The following TYMS variants were observed in gnomAD, a reference collection of about 807,000 sequenced individuals.
The protein encoded by TYMS is thymidylate synthetase.
TYMS carries 21 observed loss-of-function variants against 39.3 expected under a neutral mutation model. That is an observed-to-expected ratio of 0.54 (90% CI 0.38 to 0.77). The LOEUF (loss-of-function observed/expected upper bound fraction) is 0.77, where lower values mean the gene tolerates loss of function less well. TYMS is among the 30% of genes least tolerant of loss of function. TYMS has a pLI of 0.00. For synonymous variants in TYMS, 171 were observed against 162.2 expected, an observed-to-expected ratio of 1.05 and a Z score of -0.41; for missense variants, 273 against 406.7, an observed-to-expected ratio of 0.67 and a Z score of 2.83.
chr18:667,161 AGATGGT>A lies in TYMS; in HGVS notation c.455-1887_455-1882del, dbSNP rs1318850948. On this transcript the variant is annotated intron_variant, in intron 3 of 6. Coordinates refer to ENST00000323274, the MANE Select transcript of TYMS (RefSeq NM_001071.4). ...GTGATGGTGATGGTGATGGTGATGGAGATGGTGATGGTGATGGTGATGGTGATGGAG... is the reference window on the plus strand; with the variant it reads ...GTGATGGTGATGGTGATGGTGATGGAGATGGTGATGGTGATGGTGATGGAG... Among the ~76,000 whole-genome samples the A allele has an allele frequency of 1.8e-3, 71 of 38,442 alleles. 1 individual carries two copies. Among genetic ancestry groups the A allele is most frequent in the South Asian group, 4.5e-3 (5 of 1,102 alleles). The allele number at this position is 38,442 out of a possible 152,430, so 25.2% of individuals were successfully genotyped here.
At chr18:672,156 T>C (rs1021078924) in intron 6 of TYMS, 1 of 152,250 alleles carries the variant, frequency 6.6e-6, no homozygotes, top group African/African-American at 2.4e-5. Context: ...ATCCCTAAGT[T>C]ATAGCAGCCA....
In TYMS at chr18:658,116, C is replaced by T. The variant is rs758887422; in HGVS notation, c.205+169C>T. On this transcript the variant is annotated intron_variant, in intron 1 of 6. Coordinates refer to ENST00000323274, the MANE Select transcript of TYMS (RefSeq NM_001071.4). The surrounding 1 kb of genome is among the most constrained non-coding windows in gnomAD (Gnocchi z 4.5). ...CCTTACAGACGCCGAAACGGAGGGT[C>T]CCATTAGGGACGTGACTGGCGCGGG... 45 of 1,587,684 alleles carry T rather than the reference C, an allele frequency of 2.8e-5. No individual in the cohort carries two copies. Among genetic ancestry groups the T allele is most frequent in the Non-Finnish European group, 3.7e-5 (43 of 1,170,732 alleles).
rs923494228 is a variant in TYMS at position 672,756 on chromosome 18, A to G, written c.805-104A>G. On this transcript the variant is annotated intron_variant, in intron 6 of 6. Transcript: ENST00000323274. ...CGACAGGATCATACTCCTGTAAAAT[A>G]GAACTTTGTTGATCACATCCTGTGT... is the stretch of plus-strand genomic sequence containing the variant. 4 of 1,313,424 alleles carry G rather than the reference A, an allele frequency of 3.0e-6. No homozygotes were observed. The Admixed American group carries it at 6.5e-5, about 21-fold the overall frequency. The allele number at this position is 1,313,424 out of a possible 1,614,324, so 81.4% of individuals were successfully genotyped here.
At chr18:668,443 G>T (rs2074901251) in intron 3 of TYMS, among the ~76,000 whole-genome samples, 1 of 152,178 alleles carries the variant, frequency 6.6e-6, no homozygotes, top group African/African-American at 2.4e-5. Context: ...AAAATCCAGA[G>T]ACCAGAAATG....
chr18:660,319 C>T lies in TYMS; in HGVS notation c.279+605C>T, dbSNP rs2144260160. 6.6e-6 allele frequency among the ~76,000 whole-genome samples: 1 copy of T among 152,306 alleles called. No individual in the cohort carries two copies. The highest frequency in any genetic ancestry group is 2.1e-4 in the South Asian group (1 of 4,824). ...CCTTTGAGTCTCTACTCCACTCGGG[C>T]AAGCCTTCCTAGACCTCCTGATTTA... is the stretch of plus-strand genomic sequence containing the variant. On this transcript the variant is annotated intron_variant, in intron 2 of 6. Transcript: ENST00000323274. The surrounding 1 kb of genome is among the most constrained non-coding windows in gnomAD (Gnocchi z 4.6).
In TYMS at chr18:657,752, G is replaced by C. The variant is rs910134246; in HGVS notation, c.10G>C (p.Ala4Pro). 7.1e-7 allele frequency: 1 copy of C among 1,410,584 alleles called. No individual in the cohort carries two copies. Among genetic ancestry groups the C allele is most frequent in the Non-Finnish European group, 9.2e-7 (1 of 1,090,498 alleles). 87.4% of individuals were successfully genotyped at this position (1,410,584 alleles called of 1,614,324 possible). A position where few individuals can be genotyped will look rare whatever the true frequency, so the allele number is the denominator to read the frequency against. ...CCCCGCCCGCCGCGCCATGCCTGTG[G>C]CCGGCTCGGAGCTGCCGCGCCGGCC... MPV[A>P]GSELPRRPLP... The change falls in exon 1 of 7, where the codon GCC becomes CCC. Residue 4 changes from alanine to proline, a missense_variant. Ala to Pro is a conservative substitution (Grantham distance 27, BLOSUM62 -1). Transcript: ENST00000323274.
In TYMS at chr18:658,224, C is replaced by CGT; in HGVS notation, c.205+279_205+280dup. ...GGGCTCGCAGTCGCCCCAGTGATGC[C>CGT]GTGGCCCCCGAGGCGGGCGTCATCG... is the stretch of plus-strand genomic sequence containing the variant. On this transcript the variant is annotated intron_variant, in intron 1 of 6. Coordinates refer to ENST00000323274, the MANE Select transcript of TYMS (RefSeq NM_001071.4). This position sits in a 1 kb window ranked among gnomAD's most constrained non-coding sequence, Gnocchi z 4.5. 2.0e-6 allele frequency: 3 copies of CGT among 1,510,686 alleles called. No homozygotes were observed. Among genetic ancestry groups the CGT allele is most frequent in the Non-Finnish European group, 1.8e-6 (2 of 1,120,804 alleles). 93.6% of individuals were successfully genotyped at this position (1,510,686 alleles called of 1,614,324 possible). A position where few individuals can be genotyped will look rare whatever the true frequency, so the allele number is the denominator to read the frequency against.
At position 663,291 on chromosome 18, in the gene TYMS, T is replaced by A. The variant is rs1277528175; in HGVS notation, c.454+971T>A. Among the ~76,000 whole-genome samples the A allele has an allele frequency of 7.2e-5, 7 of 97,312 alleles. 2 individuals carry two copies. Among genetic ancestry groups the A allele is most frequent in the Non-Finnish European group, 1.2e-4 (6 of 52,148 alleles). The allele number at this position is 97,312 out of a possible 152,430, so 63.8% of individuals were successfully genotyped here. A position where few individuals can be genotyped will look rare whatever the true frequency, so the allele number is the denominator to read the frequency against. ...GTGATGGTGAGCATTTTTTCATGTG[T>A]TTTTTGGCTGCATAAATGTCTTCTT... is the stretch of plus-strand genomic sequence containing the variant. On this transcript the variant is annotated intron_variant, in intron 3 of 6. Transcript: ENST00000323274.
intron 2 of TYMS, among the ~76,000 whole-genome samples, chr18:661,406 G>C (rs2074754118): frequency 6.6e-6 from 1 of 152,234 alleles, no homozygotes; most frequent in Non-Finnish European, 1.5e-5. Flanking sequence ...GTAAAATACT[G>C]ATTAGTCTGA....
chr18:668,085 A>G (rs2074892158), intron 3 of TYMS, among the ~76,000 whole-genome samples: 1 of 146,868 alleles, frequency 6.8e-6, no homozygotes, highest in African/African-American at 2.6e-5. Flanking sequence ...CATCCTGTAT[A>G]CATTCACATT....
At chr18:671,571 C>A in intron 6 of TYMS, 120 bp downstream of exon 6, 1 of 754,190 alleles carries the variant, frequency 1.3e-6, no homozygotes, top group Non-Finnish European at 2.3e-6. Flanking sequence ...AAATGTGGGG[C>A]TTCAGTTTAG....
At chr18:669,249 ACCTGAGGGAGGCAGGAC>A in intron 4 of TYMS, 76 bp downstream of exon 4, 1 of 1,297,726 alleles carries the variant, frequency 7.7e-7, no homozygotes, top group South Asian at 1.3e-5. Flanking sequence ...GTGCAGAGGC[ACCTGAGGGAGGCAGGAC>A]CCTGGGAACT....
Position 662,262 on chromosome 18 carries a change from C to T in TYMS, c.396C>T (p.Gly132=). The T allele has an allele frequency of 1.2e-6, 2 of 1,613,910 alleles. No individual in the cohort carries two copies. The highest frequency in any genetic ancestry group is 2.2e-5 in the South Asian group (2 of 91,052). The change falls in exon 3 of 7, where the codon GGC becomes GGT. Residue 132 remains glycine (G), a synonymous_variant. Transcript: ENST00000323274. ...GFSTREEGDL[G]PVYGFQWRHF... ...CCACCAGAGAAGAAGGGGACTTGGG[C>T]CCAGTTTATGGCTTCCAGTGGAGGC...
At chr18:670,042 CTTA>C (rs1245659958) in intron 4 of TYMS, among the ~76,000 whole-genome samples, 3 of 128,582 alleles carry the variant, frequency 2.3e-5, no homozygotes, top group Non-Finnish European at 4.7e-5. Context: ...GTAATAGAGA[CTTA>C]TTTTTTTTTT....
chr18:672,643 A>G, intron 6 of TYMS: 1 of 400,202 alleles, frequency 2.5e-6, no homozygotes, highest in Non-Finnish European at 4.5e-6. Flanking sequence ...GATGCTGTGT[A>G]ATGTCACAAA....
At chr18:662,417 T>A in intron 3 of TYMS, 97 bp downstream of exon 3, 1 of 1,164,460 alleles carries the variant, frequency 8.6e-7, no homozygotes, top group Non-Finnish European at 1.2e-6. Context: ...TGAGTCAATG[T>A]CACAGGAGCT....
At chr18:670,268 A>G (rs1171119299) in intron 4 of TYMS, 2 of 156,082 alleles carry the variant, frequency 1.3e-5, no homozygotes, top group African/African-American at 2.4e-5. Context: ...GCCTCAAGTG[A>G]TCTGCCCACC....
intron 4 of TYMS, chr18:670,432 C>A (rs2074987425): frequency 4.5e-6 from 2 of 447,106 alleles, no homozygotes; most frequent in South Asian, 7.1e-5. Context: ...ACGAGGTAGC[C>A]CAGATCCCTT....
chr18:661,472 G>A (rs995240292), intron 2 of TYMS, among the ~76,000 whole-genome samples: 2 of 152,198 alleles, frequency 1.3e-5, no homozygotes, highest in African/African-American at 4.8e-5. Context: ...ATTGCATGTA[G>A]GCATTAAATT....
Sources: gnomAD v4.1 joint callset for allele counts (sites outside exome capture counted in the v4.1 genomes callset) on GRCh38, gnomAD v4.1.1 for gene constraint, Gnocchi (gnomAD v3.1) non-coding constraint, MANE v1.5 for transcripts, NCBI Gene and HGNC (gene_info 2026-07-23, HGNC 2026-07-21) for gene names.